The following POT1 variants were observed in gnomAD, a reference collection of about 807,000 sequenced individuals.
POT1 encodes protection of telomeres protein 1.
POT1 carries 47 observed loss-of-function variants against 78.5 expected under a neutral mutation model. That is an observed-to-expected ratio of 0.60 (90% CI 0.47 to 0.76). The LOEUF (loss-of-function observed/expected upper bound fraction) is 0.76. POT1 is among the 30% of genes least tolerant of loss of function. The pLI is 0.00. For synonymous variants in POT1, 259 were observed against 260.7 expected, an observed-to-expected ratio of 0.99 and a Z score of 0.06; for missense variants, 646 against 749.9, an observed-to-expected ratio of 0.86 and a Z score of 1.62.
intron 15 of POT1, among the ~76,000 whole-genome samples, chr7:124,831,999 T>TAAAAA (rs752861454): frequency 2.0e-4 from 15 of 75,638 alleles, no homozygotes; most frequent in African/African-American, 3.8e-4. Flanking sequence ...TTCTTAAAAA[T>TAAAAA]AAAAAAAAAA....
chr7:124,851,910 T>A lies in POT1; in HGVS notation c.911A>T (p.Asp304Val), dbSNP rs1276398593. ...SANLTANQHS[D>V]VICQSEPDDS... ...GTCAGGTTCTGATTGACAGATAACATCTGAATGCTGATTGGCTGTCAAATT... is the reference window on the plus strand; with the variant it reads ...GTCAGGTTCTGATTGACAGATAACAACTGAATGCTGATTGGCTGTCAAATT... The change falls in exon 11 of 19, where the codon GAT becomes GTT. Residue 304 changes from aspartate to valine, a missense_variant. This residue lies in a region of POT1 where 394 missense variants were observed against 408.4 expected (regional missense o/e 0.96). Transcript: ENST00000357628. 6.2e-7 allele frequency: 1 copy of A among 1,611,884 alleles called. No individual in the cohort carries two copies. The highest frequency in any genetic ancestry group is 8.5e-7 in the Non-Finnish European group (1 of 1,178,212).
chr7:124,906,819 G>A (rs1349173243), intron 3 of POT1, among the ~76,000 whole-genome samples: 1 of 151,982 alleles, frequency 6.6e-6, no homozygotes, highest in Non-Finnish European at 1.5e-5. Context: ...TTAGGATCCA[G>A]TTTCCATGAA....
chr7:124,864,508 T>C (rs1056707813), intron 7 of POT1, among the ~76,000 whole-genome samples: 1 of 152,082 alleles, frequency 6.6e-6, no homozygotes, highest in African/African-American at 2.4e-5. Context: ...TTTGCTTTTT[T>C]AAAACCATTT....
intron 15 of POT1, among the ~76,000 whole-genome samples, chr7:124,829,707 T>C (rs1794715693): frequency 6.6e-6 from 1 of 151,340 alleles, no homozygotes; most frequent in African/African-American, 2.4e-5. Flanking sequence ...ATGATCTATA[T>C]CTATATCTAT....
chr7:124,922,414 CAT>C (rs1370054388), intron 2 of POT1, among the ~76,000 whole-genome samples: 2 of 151,888 alleles, frequency 1.3e-5, no homozygotes, highest in African/African-American at 2.4e-5. Flanking sequence ...AGTAATATAA[CAT>C]AGAGTTTATA....
At chr7:124,863,271 T>C (rs1345317326) in intron 8 of POT1, 79 bp downstream of exon 8, 2 of 1,372,484 alleles carry the variant, frequency 1.5e-6, no homozygotes, top group Non-Finnish European at 2.0e-6. Context: ...CTTTATCTCA[T>C]CAGAATGCTG....
chr7:124,907,859 AT>A (rs1796802333), intron 3 of POT1, among the ~76,000 whole-genome samples: 1 of 152,104 alleles, frequency 6.6e-6, no homozygotes, highest in African/African-American at 2.4e-5. Context: ...TTAAACATGT[AT>A]TTTAAAAAGT....
At chr7:124,890,094 C>T (rs1391818583) in intron 6 of POT1, among the ~76,000 whole-genome samples, 2 of 151,920 alleles carry the variant, frequency 1.3e-5, no homozygotes, top group Non-Finnish European at 2.9e-5. Flanking sequence ...ACATCAAGAA[C>T]ATGCATGATT....
intron 15 of POT1, among the ~76,000 whole-genome samples, chr7:124,831,432 A>T (rs568729891): frequency 6.6e-6 from 1 of 152,304 alleles, no homozygotes; most frequent in African/African-American, 2.4e-5. Context: ...ATACAATTGA[A>T]ATGAAAGTTT....
rs2116467099 is a variant in POT1, at chr7:124,842,754, C to T, written c.1163+53G>A. On this transcript the variant is annotated intron_variant, in intron 13 of 18. Transcript: ENST00000357628. ...AGACACAAAATTATACATATGTGTA[C>T]ATATACACACAAATAATATGAAAAC... 7.9e-6 allele frequency: 11 copies of T among 1,394,234 alleles called. No individual in the cohort carries two copies. The South Asian group carries it at 1.0e-4, about 13-fold the overall frequency. The allele number at this position is 1,394,234 out of a possible 1,614,324, so 86.4% of individuals were successfully genotyped here.
At position 124,822,517 on chromosome 7, in the gene POT1, C is replaced by A. The variant is rs370988165; in HGVS notation, c.*1445G>T. ...AGGCTCACAGTGTGAACATATGGCA[C>A]CTTTGGACCTCTACTCTTCTAGATT... On this transcript the variant is annotated 3_prime_UTR_variant, in exon 19 of 19. Transcript: ENST00000357628. 1.1e-4 allele frequency: 51 copies of A among 455,050 alleles called. 1 individual carries two copies. Among genetic ancestry groups the A allele is most frequent in the African/African-American group, 8.6e-4 (43 of 50,132 alleles). 28.2% of individuals were successfully genotyped at this position (455,050 alleles called of 1,614,324 possible). A position where few individuals can be genotyped will look rare whatever the true frequency, so the allele number is the denominator to read the frequency against.
At chr7:124,869,920 T>G (rs1310361165) in intron 7 of POT1, among the ~76,000 whole-genome samples, 1 of 152,128 alleles carries the variant, frequency 6.6e-6, no homozygotes, top group Non-Finnish European at 1.5e-5. Context: ...TACACAAACA[T>G]TCTCTATTAT....
intron 5 of POT1, 43 bp from the exon 6 acceptor site, chr7:124,892,423 T>A: frequency 1.1e-6 from 1 of 952,002 alleles, no homozygotes; most frequent in Non-Finnish European, 1.5e-6. Context: ...ACAAAGTATT[T>A]ACATTGTAGA....
intron 3 of POT1, among the ~76,000 whole-genome samples, chr7:124,912,728 G>A (rs7780571): frequency 0.014 from 2,155 of 152,186 alleles, 57 homozygotes; most frequent in African/African-American, 0.047. Context: ...ATGAATACAT[G>A]CAAATTCTCC....
chr7:124,837,207 TA>T (rs1252590951), intron 14 of POT1: 1 of 310,626 alleles, frequency 3.2e-6, no homozygotes, highest in African/African-American at 2.2e-5. Context: ...ATATCCAGCT[TA>T]CAGAAGAACT....
At chr7:124,832,996 C>CTAGAGAGA (rs1209686634) in intron 15 of POT1, among the ~76,000 whole-genome samples, 12 of 152,016 alleles carry the variant, frequency 7.9e-5, no homozygotes, top group African/African-American at 2.9e-4. Flanking sequence ...AGAACAAAAG[C>CTAGAGAGA]AAGTGAGCGA....
intron 6 of POT1, among the ~76,000 whole-genome samples, chr7:124,882,810 G>A (rs552645023): frequency 2.1e-3 from 317 of 152,092 alleles, no homozygotes; most frequent in African/African-American, 7.4e-3. Flanking sequence ...AAAAAGTCAT[G>A]AAAGACAAGC....
At chr7:124,841,208 A>G (rs368707305) in intron 13 of POT1, 30 bp from the exon 14 acceptor site, 5 of 1,572,394 alleles carry the variant, frequency 3.2e-6, no homozygotes, top group Non-Finnish European at 4.4e-6. Flanking sequence ...AATGATAGAA[A>G]TCGATTTTGG....
chr7:124,862,664 T>C lies in POT1; in HGVS notation c.546+686A>G, dbSNP rs1795625566. 2.0e-5 allele frequency among the ~76,000 whole-genome samples: 3 copies of C among 152,154 alleles called. 1 individual carries two copies. In the South Asian group the frequency reaches 6.2e-4, roughly 31 times the overall value. The stretch of plus-strand genomic sequence containing the variant: ...CTTGTCCAAGTGCCACTGCATTCCA[T>C]TTCTTGCCCTATTATTCCAAAGATA... On this transcript the variant is annotated intron_variant, in intron 8 of 18. Transcript: ENST00000357628.
Sources: allele counts gnomAD v4.1 joint callset (sites outside exome capture counted in the v4.1 genomes callset), GRCh38; gene constraint gnomAD v4.1.1; regional missense constraint gnomAD v4.1.1; transcripts MANE v1.5; gene names NCBI Gene and HGNC (gene_info 2026-07-23, HGNC 2026-07-21).